Variants in ATP1A4 observed in about 807,000 individuals in gnomAD.
The protein encoded by ATP1A4 is ATPase Na+/K+ transporting subunit alpha 4, also known as sodium/potassium-transporting ATPase subunit alpha-4.
A neutral mutation model predicts 114.3 loss-of-function variants in ATP1A4; 90 were observed. That is an observed-to-expected ratio of 0.79 (90% CI 0.66 to 0.94). The LOEUF (loss-of-function observed/expected upper bound fraction) is 0.94. ATP1A4 is among the 40% of genes least tolerant of loss of function. The pLI, the probability that ATP1A4 is intolerant of heterozygous loss-of-function variation, is 0.00. For synonymous variants in ATP1A4, 511 were observed against 494.1 expected, an observed-to-expected ratio of 1.03 and a Z score of -0.45; for missense variants, 1,222 against 1,313.6, an observed-to-expected ratio of 0.93 and a Z score of 1.08.
chr1:160,153,456 G>C (rs1652528875), intron 2 of ATP1A4, among the ~76,000 whole-genome samples: 1 of 152,174 alleles, frequency 6.6e-6, no homozygotes, highest in Admixed American at 6.5e-5. Context: ...TTAGGGCAGT[G>C]CTGGTCAAAC....
rs772335436 is a variant in ATP1A4, at chr1:160,174,563, G to A, written c.2143-16G>A. On this transcript the variant is annotated splice_polypyrimidine_tract_variant and intron_variant, in intron 14 of 21. Transcript: ENST00000368081. ...ATGCAATAAATTGTTCACTCTCTCT[G>A]TCTGGACTTCCTCAGGGAGCCGTTG... The A allele has an allele frequency of 7.4e-6, 12 of 1,611,180 alleles. No individual in the cohort carries two copies. The highest frequency in any genetic ancestry group is 7.6e-6 in the Non-Finnish European group (9 of 1,177,778).
intron 6 of ATP1A4, 56 bp downstream of exon 6, chr1:160,159,582 A>C (rs1652798740): frequency 6.8e-7 from 1 of 1,466,826 alleles, no homozygotes; most frequent in Non-Finnish European, 9.4e-7. Context: ...AAACATAAAG[A>C]TTTTAATAAC....
chr1:160,166,294 T>A (rs1405571379), intron 7 of ATP1A4, among the ~76,000 whole-genome samples: 1 of 151,876 alleles, frequency 6.6e-6, no homozygotes, highest in Non-Finnish European at 1.5e-5. Context: ...GAAAAAGACA[T>A]TTTTTTTAAA....
intron 10 of ATP1A4, chr1:160,169,623 C>G (rs1169992043): frequency 6.6e-6 from 1 of 152,262 alleles, no homozygotes; most frequent in South Asian, 2.1e-4. Flanking sequence ...AGTCCGGCCT[C>G]CTCTGCACTC....
At chr1:160,171,183 C>A in intron 10 of ATP1A4, 68 bp from the exon 11 acceptor site, 2 of 1,404,268 alleles carry the variant, frequency 1.4e-6, no homozygotes, top group Non-Finnish European at 1.9e-6. Flanking sequence ...TGAAACCTTC[C>A]CCTTCTTTTT....
At chr1:160,156,185 G>GGGAGCA in intron 4 of ATP1A4, 27 bp downstream of exon 4, 1 of 1,470,118 alleles carries the variant, frequency 6.8e-7, no homozygotes, top group African/African-American at 1.4e-5. Flanking sequence ...AGGATCTAGT[G>GGGAGCA]GGAGCAGGAG....
intron 20 of ATP1A4, chr1:160,183,138 CTATG>C (rs1653768774): frequency 6.6e-6 from 1 of 152,238 alleles, no homozygotes; most frequent in Non-Finnish European, 1.5e-5. Context: ...CTCAACTCTA[CTATG>C]TATTATTCTG....
intron 17 of ATP1A4, among the ~76,000 whole-genome samples, chr1:160,177,168 G>A (rs1007946677): frequency 1.3e-5 from 2 of 152,174 alleles, no homozygotes; most frequent in Non-Finnish European, 2.9e-5. Context: ...CAGGTGCAAT[G>A]GTATTTCAGA....
chr1:160,183,826 T>G (rs755357834), intron 20 of ATP1A4, among the ~76,000 whole-genome samples: 1 of 152,240 alleles, frequency 6.6e-6, no homozygotes. Context: ...TTGGTTGGAC[T>G]ACGTTCCCCT....
Position 160,174,599 on chromosome 1 carries a change from A to G in ATP1A4, c.2163A>G (p.Thr721=), listed in dbSNP as rs980594853. 1.9e-5 allele frequency: 30 copies of G among 1,613,874 alleles called. No homozygotes were observed. In the African/African-American group the frequency reaches 2.4e-4, roughly 13 times the overall value. Reference sequence around the variant, plus strand: ...CTCAGGGAGCCGTTGTGGCCGTGACAGGTGACGGGGTGAACGACTCCCCTG... The same window carrying G: ...CTCAGGGAGCCGTTGTGGCCGTGACGGGTGACGGGGTGAACGACTCCCCTG... ...CQRLGAVVAV[T]GDGVNDSPAL... The change falls in exon 15 of 22, where the codon ACA becomes ACG. Residue 721 remains threonine, a synonymous_variant. Transcript: ENST00000368081.
rs758343091 is a variant in ATP1A4, at chr1:160,155,265, A to T, written c.411+17A>T. The T allele has an allele frequency of 2.5e-6, 4 of 1,602,328 alleles. No homozygotes were observed. In the Admixed American group the frequency reaches 6.8e-5, roughly 27 times the overall value. On this transcript the variant is annotated intron_variant, in intron 3 of 21. Coordinates refer to ENST00000368081, the MANE Select transcript of ATP1A4 (RefSeq NM_144699.4). ...AAAGACAACGTGAGTCTCTTCAGCT[A>T]CTACTAGCCAGCCCTATCTCTGCTT...
intron 10 of ATP1A4, among the ~76,000 whole-genome samples, chr1:160,168,831 A>C (rs1300171149): frequency 5.3e-5 from 8 of 152,186 alleles, no homozygotes; most frequent in Admixed American, 5.2e-4. Context: ...TGGCAAACTT[A>C]TTCCCATTTT....
Position 160,174,231 on chromosome 1 carries a change from G to T in ATP1A4, c.2112G>T (p.Lys704Asn). Residue 704 changes from lysine to asparagine, a missense_variant, in exon 14 of 22, where the codon AAG becomes AAT. Transcript: ENST00000368081. Reference protein sequence around the residue: ...IVFARTSPQQKLIIVEGCQRL... With the variant: ...IVFARTSPQQNLIIVEGCQRL... ...TTGCTCGGACCTCCCCTCAGCAGAA[G>T]CTCATCATTGTCGAGGGATGTCAGA... 1 of 1,614,110 alleles carries T rather than the reference G, an allele frequency of 6.2e-7. No individual in the cohort carries two copies. The highest frequency in any genetic ancestry group is 8.5e-7 in the Non-Finnish European group (1 of 1,180,026).
intron 6 of ATP1A4, among the ~76,000 whole-genome samples, chr1:160,160,266 G>T (rs1333311181): frequency 6.6e-6 from 1 of 152,134 alleles, no homozygotes; most frequent in Non-Finnish European, 1.5e-5. Context: ...GCTCAGGCTG[G>T]AATGCAGTGG....
intron 9 of ATP1A4, 38 bp from the exon 10 acceptor site, chr1:160,167,240 T>G (rs1328999455): frequency 6.4e-7 from 1 of 1,572,422 alleles, no homozygotes; most frequent in African/African-American, 1.4e-5. Context: ...CCAGGTAGCA[T>G]GCCCCTGGGG....
chr1:160,155,984 T>C, intron 3 of ATP1A4, 61 bp from the exon 4 acceptor site: 1 of 1,034,992 alleles, frequency 9.7e-7, no homozygotes, highest in East Asian at 2.4e-5. Flanking sequence ...CAGACTGATT[T>C]TCTGAGGATG....
chr1:160,167,487 C>T lies in ATP1A4; in HGVS notation c.1491+75C>T, dbSNP rs542224817. 1.9e-5 allele frequency: 30 copies of T among 1,572,764 alleles called. No individual in the cohort carries two copies. The South Asian group carries it at 3.3e-4, about 17-fold the overall frequency. On this transcript the variant is annotated intron_variant, in intron 10 of 21. Transcript: ENST00000368081. ...CACTGGAACAAGGGGAGCTTTGCCT[C>T]TGCCTTCAACTTCACCTCGGAGAAG...
rs779083308 is a variant in ATP1A4 at position 160,174,258 on chromosome 1, G to T, written c.2139G>T (p.Arg713Ser). ...TCATCATTGTCGAGGGATGTCAGAG[G>T]CTGGTAAGGAACGAAAAGGAGCCCC... ...QKLIIVEGCQ[R>S]LGAVVAVTGD... is the part of the protein sequence containing the mutation. The change falls in exon 14 of 22, where the codon AGG becomes AGT. Residue 713 changes from arginine (R) to serine (S), a missense_variant. By Grantham distance (110) the Arg-to-Ser change is moderately radical (BLOSUM62 -1). Transcript: ENST00000368081. 6.2e-7 allele frequency: 1 copy of T among 1,614,050 alleles called. No individual in the cohort carries two copies. Among genetic ancestry groups the T allele is most frequent in the Non-Finnish European group, 8.5e-7 (1 of 1,180,016 alleles).
At chr1:160,154,876 A>G (rs1278653073) in intron 2 of ATP1A4, among the ~76,000 whole-genome samples, 169 bp from the exon 3 acceptor site, 2 of 152,160 alleles carry the variant, frequency 1.3e-5, no homozygotes, top group Admixed American at 6.5e-5. Flanking sequence ...CCCTCCTCTA[A>G]TGCAAATTTT....
Sources: gnomAD v4.1 joint callset for allele counts (sites outside exome capture counted in the v4.1 genomes callset) on GRCh38, gnomAD v4.1.1 for gene constraint, MANE v1.5 for transcripts, NCBI Gene and HGNC (gene_info 2026-07-23, HGNC 2026-07-21) for gene names.